Variants in RARS2 observed in about 807,000 individuals in gnomAD.
RARS2 encodes probable arginine--tRNA ligase, mitochondrial.
Under a neutral mutation model 88.5 loss-of-function variants are expected in RARS2, and 67 were observed. The ratio of observed to expected loss-of-function variants is 0.76; its 90% CI spans 0.62 to 0.93. RARS2 has a LOEUF of 0.93. Ranked by LOEUF, RARS2 falls within the 40% of genes least tolerant of loss-of-function variation. The probability of loss-of-function intolerance (pLI) is 0.00; values close to 1 mark genes in which losing one functional copy is unlikely to be tolerated. For missense variants in RARS2, 664 were observed against 684.2 expected (o/e 0.97, Z 0.33); for synonymous variants, 239 against 230.3 (o/e 1.04, Z -0.34).
chr6:87,525,885 T>C (rs1775526366), intron 10 of RARS2, among the ~76,000 whole-genome samples: 1 of 150,880 alleles, frequency 6.6e-6, no homozygotes. Flanking sequence ...ACAAACTATC[T>C]GAAAAAGAAA....
At chr6:87,533,590 T>C (rs1347112280) in intron 8 of RARS2, among the ~76,000 whole-genome samples, 1 of 152,220 alleles carries the variant, frequency 6.6e-6, no homozygotes, top group Admixed American at 6.5e-5. Flanking sequence ...AAACACAATT[T>C]TTCTCTTAGA....
At chr6:87,540,864 G>A (rs1780715557) in intron 8 of RARS2, among the ~76,000 whole-genome samples, 1 of 152,040 alleles carries the variant, frequency 6.6e-6, no homozygotes, top group Non-Finnish European at 1.5e-5. Context: ...ACAAAAGCCA[G>A]GAAAAGGAGG....
chr6:87,584,395 T>C (rs1774504253), intron 1 of RARS2, among the ~76,000 whole-genome samples: 1 of 152,216 alleles, frequency 6.6e-6, no homozygotes. Context: ...AGCACTGTTA[T>C]CTTTATCTCA....
chr6:87,541,732 G>A (rs1002653025), intron 8 of RARS2, among the ~76,000 whole-genome samples, 186 bp downstream of exon 8: 1 of 152,130 alleles, frequency 6.6e-6, no homozygotes, highest in African/African-American at 2.4e-5. Flanking sequence ...GCTGAGGCAT[G>A]AGAATTGCTT....
At chr6:87,571,164 G>A (rs1742459261) in intron 1 of RARS2, among the ~76,000 whole-genome samples, 1 of 125,968 alleles carries the variant, frequency 7.9e-6, no homozygotes, top group South Asian at 2.7e-4. Context: ...ACTGAATCAT[G>A]GGGTGGTTTC....
At chr6:87,523,938 A>T (rs138456600) in intron 11 of RARS2, among the ~76,000 whole-genome samples, 193 of 152,350 alleles carry the variant, frequency 1.3e-3, no homozygotes, top group African/African-American at 3.9e-3. Context: ...GAAATGTCGA[A>T]AAGTAATAGA....
At chr6:87,522,578 T>G (rs1432362966) in intron 11 of RARS2, among the ~76,000 whole-genome samples, 1 of 152,170 alleles carries the variant, frequency 6.6e-6, no homozygotes, top group African/African-American at 2.4e-5. Flanking sequence ...TTAGGGATCA[T>G]CAAAATGTCA....
At chr6:87,516,221 C>G (rs950092133) in intron 18 of RARS2, among the ~76,000 whole-genome samples, 2 of 152,148 alleles carry the variant, frequency 1.3e-5, no homozygotes, top group Admixed American at 6.5e-5. Context: ...AAAATAGACA[C>G]CATGAAATTG....
Position 87,582,719 on chromosome 6 carries a change from C to T in RARS2, c.36+7203G>A, listed in dbSNP as rs1278255191. Among the ~76,000 whole-genome samples the T allele has an allele frequency of 3.3e-5, 5 of 152,234 alleles. 1 individual carries two copies. Among genetic ancestry groups the T allele is most frequent in the South Asian group, 2.1e-4 (1 of 4,828 alleles). The stretch of plus-strand genomic sequence containing the variant: ...TTACCTTAATGTGGATGAATATCTG[C>T]CCAACATACATATTGCACCTCAGGA... On this transcript the variant is annotated intron_variant, in intron 1 of 19. Transcript: ENST00000369536.
chr6:87,518,788 A>C (rs1260117270), intron 15 of RARS2, 36 bp downstream of exon 15: 4 of 1,612,770 alleles, frequency 2.5e-6, no homozygotes, highest in Non-Finnish European at 3.4e-6. Context: ...TCTAGTACCA[A>C]ACAAAAGGGC....
chr6:87,555,108 T>TAAACAAAC (rs1488561130), intron 5 of RARS2, among the ~76,000 whole-genome samples: 2 of 135,740 alleles, frequency 1.5e-5, no homozygotes, highest in Admixed American at 1.5e-4. Context: ...CAAAAATAAA[T>TAAACAAAC]AAATAAATAA....
intron 8 of RARS2, among the ~76,000 whole-genome samples, chr6:87,539,669 C>G (rs1210762424): frequency 6.6e-6 from 1 of 152,136 alleles, no homozygotes; most frequent in East Asian, 1.9e-4. Flanking sequence ...CCAGACACAG[C>G]AGTAAGGTGG....
chr6:87,562,384 T>C (rs1258115932), intron 4 of RARS2, among the ~76,000 whole-genome samples: 1 of 152,202 alleles, frequency 6.6e-6, no homozygotes, highest in Non-Finnish European at 1.5e-5. Flanking sequence ...CACAGAAAGG[T>C]ACAGTAAAAA....
intron 2 of RARS2, chr6:87,564,707 A>G (rs947557224): frequency 3.7e-5 from 9 of 243,636 alleles, no homozygotes; most frequent in African/African-American, 2.1e-4. Context: ...AATAAAAAAC[A>G]AAATTAAAAG....
intron 1 of RARS2, among the ~76,000 whole-genome samples, chr6:87,578,402 T>C (rs748068624): frequency 5.3e-5 from 8 of 152,296 alleles, no homozygotes; most frequent in Middle Eastern, 6.8e-3. Flanking sequence ...ATTTATGGGG[T>C]AGTTTAAAAA....
At chr6:87,535,811 G>A (rs1778982173) in intron 8 of RARS2, among the ~76,000 whole-genome samples, 1 of 151,154 alleles carries the variant, frequency 6.6e-6, no homozygotes, top group Admixed American at 6.6e-5. Context: ...TGAGTAGCTG[G>A]GATTACAAGC....
rs150699699 is a variant in RARS2 at position 87,551,487 on chromosome 6, G to A, written c.396-2841C>T. ...TTAAAAATAGAAAAATTAGCTGGGC[G>A]TGGTGGTGCATGCCTGTAGTCCAGC... On this transcript the variant is annotated intron_variant, in intron 5 of 19. Transcript: ENST00000369536. Among the ~76,000 whole-genome samples the A allele has an allele frequency of 6.7e-3, 1,014 of 151,720 alleles. 9 individuals are homozygous for A. The highest frequency in any genetic ancestry group is 0.021 in the African/African-American group (871 of 41,332).
At chr6:87,566,077 C>A (rs1173422236) in intron 2 of RARS2, among the ~76,000 whole-genome samples, 1 of 151,998 alleles carries the variant, frequency 6.6e-6, no homozygotes, top group Non-Finnish European at 1.5e-5. Context: ...TTTGGGAGGC[C>A]AAGGCAGGAG....
chr6:87,566,675 T>C lies in RARS2; in HGVS notation c.111-2443A>G, dbSNP rs190014919. Among the ~76,000 whole-genome samples, 12 of 151,580 alleles carry C rather than the reference T, an allele frequency of 7.9e-5. No homozygotes were observed. The East Asian group carries it at 2.1e-3, about 27-fold the overall frequency. ...GCCTGGGCAATGTAGGCAGACATCATCTCTACAGAAAATTTAAAAAATTAG... is the reference window on the plus strand; with the variant it reads ...GCCTGGGCAATGTAGGCAGACATCACCTCTACAGAAAATTTAAAAAATTAG... On this transcript the variant is annotated intron_variant, in intron 2 of 19. Coordinates refer to ENST00000369536, the MANE Select transcript of RARS2 (RefSeq NM_020320.5).
Sources: allele counts gnomAD v4.1 joint callset (sites outside exome capture counted in the v4.1 genomes callset), GRCh38; gene constraint gnomAD v4.1.1; transcripts MANE v1.5; gene names NCBI Gene and HGNC (gene_info 2026-07-23, HGNC 2026-07-21).